Variants in KATNIP observed in about 807,000 individuals in gnomAD.
The protein encoded by KATNIP is katanin-interacting protein.
KATNIP carries 126 observed loss-of-function variants against 174.0 expected under a neutral mutation model. That is an observed-to-expected ratio of 0.72 (90% confidence interval 0.63 to 0.84). The LOEUF (loss-of-function observed/expected upper bound fraction) is 0.84, where lower values mean the gene tolerates loss of function less well. Among genes scored for constraint, KATNIP ranks in the 40% least tolerant of loss-of-function variants. The probability of loss-of-function intolerance (pLI) is 0.00; values close to 1 mark genes in which losing one functional copy is unlikely to be tolerated. For synonymous variants in KATNIP, 810 were observed against 835.7 expected (o/e 0.97, Z 0.53); for missense variants, 1,958 against 2,109.7 (o/e 0.93, Z 1.41).
Position 27,761,494 on chromosome 16 carries a change from G to T in KATNIP, c.3713G>T (p.Gly1238Val). The T allele has an allele frequency of 6.2e-7, 1 of 1,614,076 alleles. No homozygotes were observed. Among genetic ancestry groups the T allele is most frequent in the Non-Finnish European group, 8.5e-7 (1 of 1,180,002 alleles). Residue 1238 changes from glycine (G) to valine (V), a missense_variant, in exon 19 of 28, where the codon GGC (glycine) becomes GTC (valine). By Grantham distance (109) the Gly-to-Val change is moderately radical. Coordinates refer to ENST00000261588, the MANE Select transcript of KATNIP (RefSeq NM_015202.5). Reference protein sequence around the residue: ...LTGLEVVGKEGQALPIHLHQI... With the variant: ...LTGLEVVGKEVQALPIHLHQI... Reference sequence around the variant, plus strand: ...GGCCTGGAAGTGGTGGGCAAGGAGGGCCAGGCGCTGCCCATCCACCTGCAC... The same window carrying T: ...GGCCTGGAAGTGGTGGGCAAGGAGGTCCAGGCGCTGCCCATCCACCTGCAC...
chr16:27,600,847 A>T (rs991721852), intron 2 of KATNIP, among the ~76,000 whole-genome samples: 9 of 151,710 alleles, frequency 5.9e-5, no homozygotes, highest in East Asian at 1.9e-4. Flanking sequence ...CTCCTGCCTC[A>T]GCCTCCCGAG....
intron 14 of KATNIP, among the ~76,000 whole-genome samples, 163 bp downstream of exon 14, chr16:27,721,858 T>C (rs2080258681): frequency 6.6e-6 from 1 of 152,184 alleles, no homozygotes; most frequent in Non-Finnish European, 1.5e-5. Flanking sequence ...TGCATTCTCA[T>C]AGCCCCCAGG....
intron 6 of KATNIP, among the ~76,000 whole-genome samples, chr16:27,656,328 G>A (rs772048625): frequency 1.3e-5 from 2 of 150,924 alleles, no homozygotes; most frequent in Non-Finnish European, 2.9e-5. Context: ...TGAGGTGGGA[G>A]GATCACTTGA....
chr16:27,575,468 C>A (rs113877858), intron 2 of KATNIP, among the ~76,000 whole-genome samples: 3,218 of 152,268 alleles, frequency 0.021, 52 homozygotes, highest in Non-Finnish European at 0.032. Context: ...AATTGTGTGG[C>A]TCATCAGAAA....
intron 2 of KATNIP, among the ~76,000 whole-genome samples, chr16:27,596,620 G>C (rs1301652134): frequency 6.6e-6 from 1 of 152,162 alleles, no homozygotes; most frequent in Non-Finnish European, 1.5e-5. Context: ...GCTTTCTTTA[G>C]AAATGGTAGC....
At chr16:27,748,002 G>A (rs2081356472) in intron 15 of KATNIP, among the ~76,000 whole-genome samples, 1 of 152,184 alleles carries the variant, frequency 6.6e-6, no homozygotes. Flanking sequence ...GGCAGGAAAT[G>A]GAGTACAGGG....
At chr16:27,626,171 A>G (rs2076327421) in intron 3 of KATNIP, among the ~76,000 whole-genome samples, 1 of 151,760 alleles carries the variant, frequency 6.6e-6, no homozygotes. Flanking sequence ...TATCATTTTT[A>G]TTCTGCCTTT....
At chr16:27,701,387 G>A (rs1278422264) in intron 10 of KATNIP, 3 of 502,226 alleles carry the variant, frequency 6.0e-6, no homozygotes, top group Non-Finnish European at 1.1e-5. Flanking sequence ...TCCTAGGAGC[G>A]CCCTGGTCCT....
chr16:27,567,766 A>G (rs2090144497), intron 1 of KATNIP, among the ~76,000 whole-genome samples: 1 of 152,076 alleles, frequency 6.6e-6, no homozygotes, highest in South Asian at 2.1e-4. Context: ...GACCTCAGGT[A>G]ATCCACCCGC....
intron 19 of KATNIP, among the ~76,000 whole-genome samples, chr16:27,762,120 A>G (rs2144043545): frequency 6.6e-6 from 1 of 152,098 alleles, no homozygotes; most frequent in East Asian, 1.9e-4. Flanking sequence ...CAAATACAGC[A>G]TTGATCCACA....
At position 27,741,571 on chromosome 16, in the gene KATNIP, G is replaced by A. The variant is rs145242537; in HGVS notation, c.2623+651G>A. On this transcript the variant is annotated intron_variant, in intron 15 of 27. Transcript: ENST00000261588. ...GAGACCATAAGCCCACCCACAGGGC[G>A]GCTGCCACTCCACTCAGGTTTCTAA... Among the ~76,000 whole-genome samples the A allele has an allele frequency of 2.4e-3, 371 of 152,190 alleles. 2 individuals carry two copies. The highest frequency in any genetic ancestry group is 6.8e-3 in the Middle Eastern group (2 of 294).
chr16:27,562,329 A>G (rs1377500336), intron 1 of KATNIP, among the ~76,000 whole-genome samples: 1 of 151,326 alleles, frequency 6.6e-6, no homozygotes, highest in East Asian at 1.9e-4. Flanking sequence ...AATAATGGTG[A>G]TAATAATAAT....
chr16:27,755,782 A>C (rs539829161), intron 18 of KATNIP: 1 of 152,358 alleles, frequency 6.6e-6, no homozygotes, highest in South Asian at 2.1e-4. Context: ...ACTGGTGCCC[A>C]CCACCACGCC....
chr16:27,699,036 T>C (rs2079010346), intron 9 of KATNIP, among the ~76,000 whole-genome samples: 1 of 152,222 alleles, frequency 6.6e-6, no homozygotes, highest in African/African-American at 2.4e-5. Context: ...ATCAGGGACC[T>C]TGGGGAGCTG....
At chr16:27,619,802 C>G (rs1440897372) in intron 3 of KATNIP, among the ~76,000 whole-genome samples, 1 of 152,178 alleles carries the variant, frequency 6.6e-6, no homozygotes. Context: ...AGAAACGCCA[C>G]AACAGTGTCC....
intron 5 of KATNIP, among the ~76,000 whole-genome samples, chr16:27,632,052 C>T (rs2076505015): frequency 1.3e-5 from 2 of 152,192 alleles, no homozygotes; most frequent in Non-Finnish European, 2.9e-5. Flanking sequence ...TTTCCAAGGT[C>T]AACAGCTAAG....
intron 6 of KATNIP, among the ~76,000 whole-genome samples, chr16:27,676,278 T>A (rs2078110822): frequency 6.6e-6 from 1 of 152,234 alleles, no homozygotes; most frequent in African/African-American, 2.4e-5. Flanking sequence ...CAGCTAAGAT[T>A]CTACTGCTAC....
chr16:27,606,019 A>G (rs2075691977), intron 2 of KATNIP, among the ~76,000 whole-genome samples: 1 of 152,174 alleles, frequency 6.6e-6, no homozygotes, highest in African/African-American at 2.4e-5. Context: ...AGTCCCAGCT[A>G]CTGGGGAGGC....
At chr16:27,570,597 G>A (rs2090251986) in intron 1 of KATNIP, among the ~76,000 whole-genome samples, 1 of 151,938 alleles carries the variant, frequency 6.6e-6, no homozygotes, top group Non-Finnish European at 1.5e-5. Flanking sequence ...TAAATAAAAA[G>A]GGAAAACTTG....
Sources: gnomAD v4.1 joint callset for allele counts (sites outside exome capture counted in the v4.1 genomes callset) on GRCh38, gnomAD v4.1.1 for gene constraint, MANE v1.5 for transcripts, NCBI Gene and HGNC (gene_info 2026-07-23, HGNC 2026-07-21) for gene names.